Variants in TMEM9B observed in about 807,000 individuals in gnomAD.
TMEM9B encodes the protein TMEM9 domain family member B.
A neutral mutation model predicts 23.5 loss-of-function variants in TMEM9B; 8 were observed. That is an observed-to-expected ratio of 0.34 (90% CI 0.20 to 0.61). TMEM9B has a LOEUF of 0.61. Ranked by LOEUF, TMEM9B falls within the 20% of genes least tolerant of loss-of-function variation. TMEM9B has a pLI of 0.78. For missense variants in TMEM9B, 197 were observed against 252.3 expected, an observed-to-expected ratio of 0.78 and a Z score of 1.49; for synonymous variants, 106 against 96.3, an observed-to-expected ratio of 1.10 and a Z score of -0.59.
At chr11:8,956,690 T>G (rs1335775358) in intron 2 of TMEM9B, among the ~76,000 whole-genome samples, 1 of 152,138 alleles carries the variant, frequency 6.6e-6, no homozygotes, top group Non-Finnish European at 1.5e-5. Context: ...AATATAAGAT[T>G]ATCTCTTTTG....
intron 3 of TMEM9B, among the ~76,000 whole-genome samples, chr11:8,955,129 C>G (rs2568089): frequency 0.27 from 35,473 of 132,352 alleles, 4,457 homozygotes; most frequent in East Asian, 0.47. Context: ...CCAGCCTGGG[C>G]AATAGAGCAA....
rs924424882 is a variant in TMEM9B, at chr11:8,957,257, T to C, written c.198-959A>G. On this transcript the variant is annotated intron_variant, in intron 2 of 4. Transcript: ENST00000534025. This position sits in a 1 kb window ranked among gnomAD's most constrained non-coding sequence, Gnocchi z 4.3. ...ACTAACAAAGGGATGAGTGTTTTTGTTGAATGTTACTTATTTCCCCAACCC... is the reference window on the plus strand; with the variant it reads ...ACTAACAAAGGGATGAGTGTTTTTGCTGAATGTTACTTATTTCCCCAACCC... Among the ~76,000 whole-genome samples, 6 of 152,392 alleles carry C rather than the reference T, an allele frequency of 3.9e-5. No individual in the cohort carries two copies. Among genetic ancestry groups the C allele is most frequent in the Admixed American group, 6.5e-5 (1 of 15,310 alleles).
At position 8,957,456 on chromosome 11, in the gene TMEM9B, C is replaced by A. The variant is rs528774732; in HGVS notation, c.198-1158G>T. ...GAAAGCTTTCCTGTCCTCCTGCCAGCTGTTGGACAATTTTCTTTCCTTTTG... is the reference window on the plus strand; with the variant it reads ...GAAAGCTTTCCTGTCCTCCTGCCAGATGTTGGACAATTTTCTTTCCTTTTG... On this transcript the variant is annotated intron_variant, in intron 2 of 4. Transcript: ENST00000534025. This position sits in a 1 kb window ranked among gnomAD's most constrained non-coding sequence, Gnocchi z 4.3. Among the ~76,000 whole-genome samples the A allele has an allele frequency of 4.6e-5, 7 of 152,360 alleles. No individual in the cohort carries two copies. Among genetic ancestry groups the A allele is most frequent in the South Asian group, 2.1e-4 (1 of 4,824 alleles).
intron 1 of TMEM9B, chr11:8,962,578 C>T (rs1454163811): frequency 1.8e-5 from 3 of 165,576 alleles, no homozygotes; most frequent in Non-Finnish European, 1.3e-5. Flanking sequence ...AAATTATTCA[C>T]AAAAAAGGTC....
chr11:8,964,297 C>A lies in TMEM9B; in HGVS notation c.17G>T (p.Gly6Val). Residue 6 changes from glycine (G) to valine (V), a missense_variant, in exon 1 of 5, where the codon GGA becomes GTA. Physicochemically the swap from Gly to Val is moderately radical, Grantham distance 109. Transcript: ENST00000534025. The stretch of plus-strand genomic sequence containing the variant: ...CAAGGAGCCAAGCCGAAGAAGGCCT[C>A]CCCACAGGGTCGCCATCGCTGGGGG... MATLW[G>V]GLLRLGSLLS... is the part of the protein sequence containing the mutation. 6.3e-7 allele frequency: 1 copy of A among 1,585,918 alleles called. No individual in the cohort carries two copies.
chr11:8,964,515 G>T, upstream of TMEM9B: 3 of 1,388,922 alleles, frequency 2.2e-6, no homozygotes, highest in Non-Finnish European at 2.8e-6. Context: ...TTACCAGTGC[G>T]AAGGGCCGGG....
At chr11:8,952,465 T>C (rs1022018303) in intron 4 of TMEM9B, among the ~76,000 whole-genome samples, 21 of 151,712 alleles carry the variant, frequency 1.4e-4, no homozygotes, top group African/African-American at 4.6e-4. Flanking sequence ...TAGGCTGGAG[T>C]CCTATGGTGT....
intron 1 of TMEM9B, 35 bp from the exon 2 acceptor site, chr11:8,962,218 C>G (rs1854094507): frequency 4.4e-6 from 6 of 1,368,412 alleles, no homozygotes; most frequent in Non-Finnish European, 6.1e-6. Flanking sequence ...AGTGCGTTGA[C>G]AGTTTATCAT....
At position 8,964,319 on chromosome 11, in the gene TMEM9B, G is replaced by A. The variant is rs1312382516; in HGVS notation, c.-6C>T. On this transcript the variant is annotated 5_prime_UTR_variant, in exon 1 of 5. Transcript: ENST00000534025. ...CCTCCCCACAGGGTCGCCATCGCTG[G>A]GGGCCCAGCGGTCCCACAGCCCGGA... is the stretch of plus-strand genomic sequence containing the variant. 1 of 1,561,116 alleles carries A rather than the reference G, an allele frequency of 6.4e-7. No homozygotes were observed. The highest frequency in any genetic ancestry group is 8.7e-7 in the Non-Finnish European group (1 of 1,153,856).
chr11:8,950,483 A>T (rs1166096815), intron 4 of TMEM9B, among the ~76,000 whole-genome samples: 1 of 152,204 alleles, frequency 6.6e-6, no homozygotes, highest in Non-Finnish European at 1.5e-5. Flanking sequence ...TAGTGCTGTT[A>T]TCTATTCTTC....
chr11:8,958,228 C>G (rs1486721499), intron 2 of TMEM9B, among the ~76,000 whole-genome samples: 1 of 147,410 alleles, frequency 6.8e-6, no homozygotes, highest in Non-Finnish European at 1.5e-5. Context: ...TTTGGGAGGC[C>G]GAGGCGGTTG....
At chr11:8,961,973 C>A in intron 2 of TMEM9B, 119 bp downstream of exon 2, 2 of 670,106 alleles carry the variant, frequency 3.0e-6, no homozygotes, top group Non-Finnish European at 4.8e-6. Flanking sequence ...TAGAATTTCA[C>A]ATTTTTGCTT....
rs1462672246 is a variant in TMEM9B at position 8,957,279 on chromosome 11, AC to A, written c.198-982del. 6.6e-6 allele frequency among the ~76,000 whole-genome samples: 1 copy of A among 152,236 alleles called. No homozygotes were observed. Among genetic ancestry groups the A allele is most frequent in the Non-Finnish European group, 1.5e-5 (1 of 68,040 alleles). On this transcript the variant is annotated intron_variant, in intron 2 of 4. Transcript: ENST00000534025. The surrounding 1 kb of genome is among the most constrained non-coding windows in gnomAD (Gnocchi z 4.3). ...TTGTTGAATGTTACTTATTTCCCCAACCCCATTTTCAAGGCTAATTATTTAT... is the reference window on the plus strand; with the variant it reads ...TTGTTGAATGTTACTTATTTCCCCAACCCATTTTCAAGGCTAATTATTTAT...
At chr11:8,963,237 G>C (rs527238443) in intron 1 of TMEM9B, among the ~76,000 whole-genome samples, 36 of 152,340 alleles carry the variant, frequency 2.4e-4, no homozygotes, top group African/African-American at 8.2e-4. Context: ...AGGAGGTAGA[G>C]ATGGTTTCAA....
At chr11:8,952,984 G>C (rs758541568) in intron 4 of TMEM9B, 4 of 635,466 alleles carry the variant, frequency 6.3e-6, no homozygotes, top group African/African-American at 1.8e-5. Context: ...TGTATAGCAT[G>C]CTCACCAAAG....
chr11:8,957,957 G>A lies in TMEM9B; in HGVS notation c.198-1659C>T, dbSNP rs1222320590. On this transcript the variant is annotated intron_variant, in intron 2 of 4. Transcript: ENST00000534025. The surrounding 1 kb of genome is among the most constrained non-coding windows in gnomAD (Gnocchi z 4.3). ...AGATCACCTGAGGTTGGGAGTTCGA[G>A]ACCAGCCTGACCAACATGGAGAAAC... is the stretch of plus-strand genomic sequence containing the variant. Among the ~76,000 whole-genome samples, 3 of 150,714 alleles carry A rather than the reference G, an allele frequency of 2.0e-5. No individual in the cohort carries two copies. The highest frequency in any genetic ancestry group is 3.0e-5 in the Non-Finnish European group (2 of 67,750).
At chr11:8,952,338 G>GTGTGTA (rs1853901216) in intron 4 of TMEM9B, among the ~76,000 whole-genome samples, 1 of 149,504 alleles carries the variant, frequency 6.7e-6, no homozygotes, top group Non-Finnish European at 1.5e-5. Context: ...GTGTGTGTGT[G>GTGTGTA]AGAGATTTAA....
chr11:8,961,031 T>C (rs1184855796), intron 2 of TMEM9B, among the ~76,000 whole-genome samples: 2 of 152,216 alleles, frequency 1.3e-5, no homozygotes, highest in African/African-American at 4.8e-5. Flanking sequence ...ATAAAACCTT[T>C]AAGAATATGG....
chr11:8,960,774 C>T (rs1589948547), intron 2 of TMEM9B, among the ~76,000 whole-genome samples: 2 of 151,662 alleles, frequency 1.3e-5, no homozygotes, highest in African/African-American at 4.8e-5. Context: ...CTCTGCCTCC[C>T]GGGTTCAAGC....
Sources: gnomAD v4.1 joint callset for allele counts (sites outside exome capture counted in the v4.1 genomes callset) on GRCh38, gnomAD v4.1.1 for gene constraint, Gnocchi (gnomAD v3.1) non-coding constraint, MANE v1.5 for transcripts, NCBI Gene and HGNC (gene_info 2026-07-23, HGNC 2026-07-21) for gene names.